The following GALNT1 variants were observed in gnomAD, a reference collection of about 807,000 sequenced individuals.
GALNT1 encodes polypeptide N-acetylgalactosaminyltransferase 1.
A neutral mutation model predicts 65.7 loss-of-function variants in GALNT1; 17 were observed. The observed-to-expected ratio is 0.26, with a 90% CI of 0.18 to 0.39. The LOEUF (loss-of-function observed/expected upper bound fraction) is 0.39. Ranked by LOEUF, GALNT1 falls within the 10% of genes least tolerant of loss-of-function variation. The probability of loss-of-function intolerance (pLI) is 1.00; values close to 1 mark genes in which losing one functional copy is unlikely to be tolerated. For missense variants in GALNT1, 460 were observed against 672.8 expected, an observed-to-expected ratio of 0.68 and a Z score of 3.50; for synonymous variants, 210 against 219.7, an observed-to-expected ratio of 0.96 and a Z score of 0.39.
intron 10 of GALNT1, 103 bp downstream of exon 10, chr18:35,703,098 T>A: frequency 1.5e-6 from 1 of 665,342 alleles, no homozygotes; most frequent in Non-Finnish European, 2.5e-6. Context: ...TTCCTTCCTT[T>A]AAAGAGAAAA....
At chr18:35,691,226 G>A (rs752202547) in intron 8 of GALNT1, 34 bp downstream of exon 8, 1 of 1,545,682 alleles carries the variant, frequency 6.5e-7, no homozygotes. Context: ...ATACAAGGCT[G>A]TACCTTTGTT....
chr18:35,634,138 T>A lies in GALNT1; in HGVS notation c.-103-20422T>A, dbSNP rs375240423. On this transcript the variant is annotated intron_variant, in intron 1 of 11. Coordinates refer to ENST00000269195, the MANE Select transcript of GALNT1 (RefSeq NM_020474.4). ...AATACCATTTAAAATTTACCAAGTG[T>A]TTACTGTCATGTATGAGTGTGTTGT... Among the ~76,000 whole-genome samples the A allele has an allele frequency of 3.3e-5, 5 of 152,302 alleles. No homozygotes were observed. The East Asian group carries it at 9.6e-4, about 29-fold the overall frequency.
chr18:35,591,748 G>C (rs1226812820), intron 1 of GALNT1: 1 of 154,398 alleles, frequency 6.5e-6, no homozygotes, highest in Non-Finnish European at 1.5e-5. Flanking sequence ...ATGTAGGTGA[G>C]TGATTGCTAT....
At chr18:35,697,883 G>A (rs2048086122) in intron 9 of GALNT1, among the ~76,000 whole-genome samples, 1 of 152,212 alleles carries the variant, frequency 6.6e-6, no homozygotes, top group Non-Finnish European at 1.5e-5. Context: ...GGAAAGATGA[G>A]TTAATCAGCC....
At chr18:35,647,043 C>T (rs1472689049) in intron 1 of GALNT1, among the ~76,000 whole-genome samples, 1 of 152,204 alleles carries the variant, frequency 6.6e-6, no homozygotes, top group Non-Finnish European at 1.5e-5. Flanking sequence ...TCTCTTGTAT[C>T]TTCCCACTTT....
intron 9 of GALNT1, among the ~76,000 whole-genome samples, chr18:35,700,106 G>T (rs757946496): frequency 5.3e-5 from 8 of 152,114 alleles, no homozygotes; most frequent in Non-Finnish European, 7.4e-5. Context: ...CCATGTCCTT[G>T]AGGAAAACAT....
At chr18:35,609,006 A>G (rs1338930216) in intron 1 of GALNT1, among the ~76,000 whole-genome samples, 2 of 152,194 alleles carry the variant, frequency 1.3e-5, no homozygotes, top group African/African-American at 2.4e-5. Context: ...GTAAAGAGCA[A>G]TCACATATGT....
At chr18:35,588,487 T>C (rs943492810) in intron 1 of GALNT1, among the ~76,000 whole-genome samples, 2 of 152,216 alleles carry the variant, frequency 1.3e-5, no homozygotes, top group African/African-American at 4.8e-5. Context: ...TTGCCAAATT[T>C]AGGAAGTTTT....
intron 1 of GALNT1, among the ~76,000 whole-genome samples, chr18:35,625,967 T>G (rs547109180): frequency 6.6e-6 from 1 of 152,242 alleles, no homozygotes; most frequent in Non-Finnish European, 1.5e-5. Flanking sequence ...AACACACCCC[T>G]TTACTCCTGT....
chr18:35,607,598 T>C (rs938166388), intron 1 of GALNT1, among the ~76,000 whole-genome samples: 6 of 152,206 alleles, frequency 3.9e-5, no homozygotes, highest in Admixed American at 1.3e-4. Flanking sequence ...GGCTGGGGGC[T>C]GGTATGGTGG....
chr18:35,702,249 AAC>A (rs1336872000), intron 9 of GALNT1, among the ~76,000 whole-genome samples: 2 of 152,238 alleles, frequency 1.3e-5, no homozygotes, highest in African/African-American at 4.8e-5. Context: ...CTTCTGGCTT[AAC>A]CTGCTGACAG....
At chr18:35,595,303 C>T (rs968972832) in intron 1 of GALNT1, among the ~76,000 whole-genome samples, 1 of 152,140 alleles carries the variant, frequency 6.6e-6, no homozygotes, top group Non-Finnish European at 1.5e-5. Context: ...GACACACACA[C>T]AGAGATGCTG....
At chr18:35,631,737 T>G (rs1227139315) in intron 1 of GALNT1, among the ~76,000 whole-genome samples, 2 of 152,048 alleles carry the variant, frequency 1.3e-5, no homozygotes, top group Non-Finnish European at 2.9e-5. Context: ...AAATAAAGGG[T>G]ATTCAATTAG....
chr18:35,696,407 A>G (rs1334674975), intron 9 of GALNT1, among the ~76,000 whole-genome samples: 1 of 152,270 alleles, frequency 6.6e-6, no homozygotes, highest in Non-Finnish European at 1.5e-5. Context: ...GGTAATAGAT[A>G]TAATTTAGGG....
At chr18:35,582,521 G>C (rs2046334740) in intron 1 of GALNT1, among the ~76,000 whole-genome samples, 2 of 152,192 alleles carry the variant, frequency 1.3e-5, no homozygotes, top group African/African-American at 4.8e-5. Context: ...TTACTCCCCA[G>C]ATTTGTGACC....
rs2046390650 is a variant in GALNT1, at chr18:35,587,457, A to C, written c.-104+5595A>C. Among the ~76,000 whole-genome samples the C allele has an allele frequency of 2.6e-5, 4 of 152,230 alleles. No homozygotes were observed. In the South Asian group the frequency reaches 6.2e-4, roughly 24 times the overall value. On this transcript the variant is annotated intron_variant, in intron 1 of 11. Transcript: ENST00000269195. ...GAAAGCATTCCTTCAGTCCTTAACT[A>C]TGAGGTATAATGTTAACTATAGGAT...
At chr18:35,683,346 G>A (rs752391436) in intron 4 of GALNT1, 45 bp from the exon 5 acceptor site, 4 of 1,486,070 alleles carry the variant, frequency 2.7e-6, no homozygotes, top group Non-Finnish European at 3.7e-6. Context: ...TCTGAATAGT[G>A]CCAGGCCACA....
At chr18:35,591,160 G>A (rs2046439128) in intron 1 of GALNT1, among the ~76,000 whole-genome samples, 1 of 152,164 alleles carries the variant, frequency 6.6e-6, no homozygotes, top group Non-Finnish European at 1.5e-5. Flanking sequence ...AGCAACCTCT[G>A]GGGCATTTCA....
chr18:35,593,689 T>A (rs562481315), intron 1 of GALNT1, among the ~76,000 whole-genome samples: 3 of 152,028 alleles, frequency 2.0e-5, no homozygotes, highest in East Asian at 3.9e-4. Context: ...TTTTTTTTTT[T>A]AAACCAGAGA....
Sources: allele counts gnomAD v4.1 joint callset (sites outside exome capture counted in the v4.1 genomes callset), GRCh38; gene constraint gnomAD v4.1.1; transcripts MANE v1.5; gene names NCBI Gene and HGNC (gene_info 2026-07-23, HGNC 2026-07-21).